CENPK: variants seen among roughly 807,000 people sequenced by gnomAD.
CENPK encodes SoxLZ/Sox6-binding protein Solt.
CENPK carries 46 observed loss-of-function variants against 40.9 expected under a neutral mutation model. The ratio of observed to expected loss-of-function variants is 1.13; its 90% CI spans 0.89 to 1.44. The LOEUF is 1.44. Among genes scored for constraint, CENPK ranks in the 40% most tolerant of loss-of-function variants. The pLI, the probability that CENPK is intolerant of heterozygous loss-of-function variation, is 0.00. For synonymous variants in CENPK, 107 were observed against 104.4 expected, an observed-to-expected ratio of 1.02 and a Z score of -0.15; for missense variants, 288 against 303.5, an observed-to-expected ratio of 0.95 and a Z score of 0.38.
chr5:65,562,308 GAC>G (rs1752127547), intron 1 of CENPK, among the ~76,000 whole-genome samples: 2 of 152,278 alleles, frequency 1.3e-5, no homozygotes, highest in Non-Finnish European at 2.9e-5. Context: ...AAATTTGTGA[GAC>G]ACAAAAGAAA....
chr5:65,514,090 T>C (rs1055726856), downstream of CENPK, among the ~76,000 whole-genome samples: 3 of 152,146 alleles, frequency 2.0e-5, no homozygotes, highest in African/African-American at 4.8e-5. Context: ...TTTTTTGTTA[T>C]ATATTGTTAT....
chr5:65,528,699 ACTAC>A (rs1745188195), intron 8 of CENPK, 121 bp from the exon 9 acceptor site: 3 of 1,255,232 alleles, frequency 2.4e-6, no homozygotes, highest in African/African-American at 1.5e-5. Context: ...AAACCAAATA[ACTAC>A]CTTTTTGAAA....
chr5:65,526,210 AAAAAAATTTG>A (rs1019034664), intron 9 of CENPK, among the ~76,000 whole-genome samples: 1 of 54,296 alleles, frequency 1.8e-5, no homozygotes, highest in African/African-American at 6.8e-5. Context: ...AAAAATGTTG[AAAAAAATTTG>A]AAAAAAATGG....
At chr5:65,514,740 A>G (rs1400260739), downstream of CENPK, among the ~76,000 whole-genome samples, 1 of 152,204 alleles carries the variant, frequency 6.6e-6, no homozygotes, top group African/African-American at 2.4e-5. Flanking sequence ...AATTTATTTT[A>G]TAAGTTTATG....
rs929048520 is a variant in CENPK at position 65,517,839 on chromosome 5, G to T, written c.*636C>A. On this transcript the variant is annotated 3_prime_UTR_variant, in exon 11 of 11. Transcript: ENST00000396679. Reference sequence around the variant, plus strand: ...AATAAAATGTCATGAATACAATTTTGTTGGTAATAATTAGCAGAATCAAGA... The same window carrying T: ...AATAAAATGTCATGAATACAATTTTTTTGGTAATAATTAGCAGAATCAAGA... 2.0e-5 allele frequency: 3 copies of T among 151,960 alleles called. No individual in the cohort carries two copies. The highest frequency in any genetic ancestry group is 7.2e-5 in the African/African-American group (3 of 41,426). The allele number at this position is 151,960 out of a possible 1,614,324, so 9.4% of individuals were successfully genotyped here. A position where few individuals can be genotyped will look rare whatever the true frequency, so the allele number is the denominator to read the frequency against.
At chr5:65,512,225 T>A in the CENPK span, among the ~76,000 whole-genome samples, 2 of 152,212 alleles carry the variant, frequency 1.3e-5, no homozygotes, top group Admixed American at 6.5e-5. Flanking sequence ...GAAGATACAG[T>A]GAACATGGTT....
chr5:65,554,140 T>C lies in CENPK; in HGVS notation c.111+657A>G, dbSNP rs539902316. ...TATCCTTTAGAAATGAAACCAGTAA[T>C]TATTTTTTTTTTTTTTTGAGACGGA... is the stretch of plus-strand genomic sequence containing the variant. On this transcript the variant is annotated intron_variant, in intron 3 of 10. Coordinates refer to ENST00000396679, the MANE Select transcript of CENPK (RefSeq NM_022145.5). 2.0e-5 allele frequency among the ~76,000 whole-genome samples: 3 copies of C among 149,188 alleles called. No homozygotes were observed. The South Asian group carries it at 6.4e-4, about 32-fold the overall frequency.
the CENPK span, among the ~76,000 whole-genome samples, chr5:65,502,291 T>C: frequency 6.6e-6 from 1 of 152,232 alleles, no homozygotes; most frequent in Non-Finnish European, 1.5e-5. Flanking sequence ...TGATCTTCTC[T>C]AGCATCCAGT....
At chr5:65,559,921 AT>A (rs1751675475) in intron 2 of CENPK, among the ~76,000 whole-genome samples, 1 of 152,000 alleles carries the variant, frequency 6.6e-6, no homozygotes, top group African/African-American at 2.4e-5. Flanking sequence ...TTAAATGTAT[AT>A]TTTGGTCCAT....
intron 6 of CENPK, among the ~76,000 whole-genome samples, chr5:65,532,249 A>C (rs1047896170): frequency 3.9e-5 from 6 of 152,170 alleles, no homozygotes; most frequent in African/African-American, 1.4e-4. Context: ...CACAGATGAA[A>C]ATTTTTTTCA....
chr5:65,557,272 C>A (rs1213718874), intron 2 of CENPK, among the ~76,000 whole-genome samples: 2 of 152,104 alleles, frequency 1.3e-5, no homozygotes, highest in Admixed American at 6.5e-5. Context: ...TATAGAGGAG[C>A]AAACTGTTTT....
downstream of CENPK, among the ~76,000 whole-genome samples, chr5:65,517,016 C>T (rs777248723): frequency 4.6e-5 from 7 of 151,822 alleles, no homozygotes; most frequent in Non-Finnish European, 1.0e-4. Flanking sequence ...AATCTTGGCT[C>T]ACTGCAACTT....
intron 6 of CENPK, among the ~76,000 whole-genome samples, chr5:65,540,631 C>T (rs1186729561): frequency 1.3e-5 from 2 of 152,018 alleles, no homozygotes; most frequent in Non-Finnish European, 2.9e-5. Flanking sequence ...ATCAATCGTA[C>T]CTACATAATG....
chr5:65,499,667 A>ATTTTTTT, the CENPK span, among the ~76,000 whole-genome samples: 8 of 109,642 alleles, frequency 7.3e-5, no homozygotes, highest in East Asian at 2.7e-4. Flanking sequence ...TTTTTTTTTA[A>ATTTTTTT]TTTTTTTTTT....
At chr5:65,502,687 T>C in the CENPK span, among the ~76,000 whole-genome samples, 1 of 152,084 alleles carries the variant, frequency 6.6e-6, no homozygotes, top group Non-Finnish European at 1.5e-5. Flanking sequence ...GTGAGATCAC[T>C]GCAGCCTCAA....
chr5:65,503,105 G>A, the CENPK span, among the ~76,000 whole-genome samples: 1 of 135,464 alleles, frequency 7.4e-6, no homozygotes, highest in African/African-American at 2.7e-5. Context: ...GCCCACCAAT[G>A]TAATATTTTT....
intron 5 of CENPK, chr5:65,550,670 A>T (rs930709927): frequency 1.3e-5 from 2 of 152,238 alleles, no homozygotes; most frequent in African/African-American, 4.8e-5. Flanking sequence ...TTTGTTAAAC[A>T]TAGAGTGTCT....
At chr5:65,551,243 C>T (rs1171000017) in intron 5 of CENPK, 2 of 222,800 alleles carry the variant, frequency 9.0e-6, no homozygotes, top group Non-Finnish European at 7.7e-6. Context: ...CGATGAGACC[C>T]TGTCTCAAAA....
rs948610014 is a variant in CENPK, at chr5:65,529,206, T to C, written c.289-7A>G. ...CTTGTCTCAGCTTTTGGAACTAGAA[T>C]AAAATAATTCAAATTAATTGCTTGG... On this transcript the variant is annotated splice_region_variant and splice_polypyrimidine_tract_variant and intron_variant, in intron 6 of 10. Transcript: ENST00000396679. 6.4e-7 allele frequency: 1 copy of C among 1,572,894 alleles called. No homozygotes were observed. Among genetic ancestry groups the C allele is most frequent in the Non-Finnish European group, 8.7e-7 (1 of 1,148,760 alleles).
Sources: gnomAD v4.1 joint callset for allele counts (sites outside exome capture counted in the v4.1 genomes callset) on GRCh38, gnomAD v4.1.1 for gene constraint, MANE v1.5 for transcripts, NCBI Gene and HGNC (gene_info 2026-07-23, HGNC 2026-07-21) for gene names.